The following ZNF75D variants were observed in gnomAD, a reference collection of about 807,000 sequenced individuals.
ZNF75D encodes zinc finger protein 75.
A neutral mutation model predicts 33.3 loss-of-function variants in ZNF75D; 33 were observed. That is an observed-to-expected ratio of 0.99 (90% CI 0.75 to 1.32). The LOEUF (loss-of-function observed/expected upper bound fraction) is 1.32. Ranked by LOEUF, ZNF75D falls within the 40% of genes most tolerant of loss-of-function variation. The probability of loss-of-function intolerance (pLI) is 0.00; values close to 1 mark genes in which losing one functional copy is unlikely to be tolerated. For synonymous variants in ZNF75D, 113 were observed against 130.6 expected, an observed-to-expected ratio of 0.87 and a Z score of 0.92; for missense variants, 338 against 367.5, an observed-to-expected ratio of 0.92 and a Z score of 0.66.
chrX:135,322,088 G>A lies in ZNF75D; in HGVS notation c.-391+19680C>T, dbSNP rs781866050. The stretch of plus-strand genomic sequence containing the variant: ...CAATTAATCTTTGCTGAATAAATGC[G>A]AGTCTCACCAGCTGGTCAGGACCTC... On this transcript the variant is annotated intron_variant, in intron 1 of 6. Coordinates refer to ENST00000370766, the MANE Select transcript of ZNF75D (RefSeq NM_007131.5). Among the ~76,000 whole-genome samples the A allele has an allele frequency of 8.0e-5, 9 of 111,929 alleles. No individual in the cohort carries two copies. The East Asian group carries it at 2.3e-3, about 28-fold the overall frequency.
chrX:135,299,250 G>A (rs1041561189), intron 1 of ZNF75D, among the ~76,000 whole-genome samples: 3 of 111,868 alleles, frequency 2.7e-5, no homozygotes, highest in Non-Finnish European at 5.7e-5. Flanking sequence ...ATTCCCCCCA[G>A]TACTGTGTGA....
chrX:135,294,237 T>C lies in ZNF75D; in HGVS notation c.-97A>G, dbSNP rs1303210039. Reference sequence around the variant, plus strand: ...GTGCATCAGGTTGGTACCAAATCAATGAATTGTTCTTCCCAAGAGCACTGA... The same window carrying C: ...GTGCATCAGGTTGGTACCAAATCAACGAATTGTTCTTCCCAAGAGCACTGA... On this transcript the variant is annotated 5_prime_UTR_variant, in exon 3 of 7. Transcript: ENST00000370766. 6 of 724,794 alleles carry C rather than the reference T, an allele frequency of 8.3e-6. No individual in the cohort carries two copies. The highest frequency in any genetic ancestry group is 4.3e-5 in the African/African-American group (2 of 46,446). The allele number at this position is 724,794 out of a possible 1,213,427, so 59.7% of individuals were successfully genotyped here. A position where few individuals can be genotyped will look rare whatever the true frequency, so the allele number is the denominator to read the frequency against.
At chrX:135,341,034 A>C (rs1218611913) in intron 1 of ZNF75D, among the ~76,000 whole-genome samples, 2 of 111,880 alleles carry the variant, frequency 1.8e-5, no homozygotes, top group Non-Finnish European at 3.8e-5. Flanking sequence ...GACATATGGC[A>C]TTGATTAGTT....
At chrX:135,300,571 C>T (rs1556424358) in intron 1 of ZNF75D, among the ~76,000 whole-genome samples, 2 of 110,543 alleles carry the variant, frequency 1.8e-5, no homozygotes, top group African/African-American at 6.6e-5. Context: ...CGTGGTGAAA[C>T]CCCATCTCTA....
intron 1 of ZNF75D, among the ~76,000 whole-genome samples, chrX:135,316,003 C>T (rs1450406315): frequency 8.9e-6 from 1 of 111,840 alleles, no homozygotes; most frequent in Non-Finnish European, 1.9e-5. Flanking sequence ...AATCTCTGTT[C>T]CTTTTTTTCC....
chrX:135,331,198 T>C (rs2084647025), intron 1 of ZNF75D, among the ~76,000 whole-genome samples: 1 of 111,349 alleles, frequency 9.0e-6, no homozygotes, highest in African/African-American at 3.3e-5. Flanking sequence ...CAAGGCATTT[T>C]AATATAGGGA....
chrX:135,325,846 C>T (rs1214751790), intron 1 of ZNF75D, among the ~76,000 whole-genome samples: 2 of 112,721 alleles, frequency 1.8e-5, no homozygotes, highest in African/African-American at 3.2e-5. Flanking sequence ...GCGAGCGCAT[C>T]GCGTGGGACT....
chrX:135,294,871 GATC>G (rs2084102158), intron 2 of ZNF75D, among the ~76,000 whole-genome samples: 2 of 111,884 alleles, frequency 1.8e-5, no homozygotes, highest in South Asian at 7.5e-4. Context: ...TAAGCAAGCA[GATC>G]ATCAACATTT....
chrX:135,315,132 CTTTAT>C (rs1250899546), intron 1 of ZNF75D, among the ~76,000 whole-genome samples: 1 of 111,888 alleles, frequency 8.9e-6, no homozygotes, highest in African/African-American at 3.2e-5. Context: ...TGTTGTTATG[CTTTAT>C]TTTATTTTCA....
intron 1 of ZNF75D, among the ~76,000 whole-genome samples, chrX:135,316,304 AT>A (rs1276543868): frequency 1.8e-5 from 2 of 110,945 alleles, no homozygotes; most frequent in African/African-American, 3.3e-5. Context: ...TGGCTAGCAG[AT>A]TTTTTTTCCT....
chrX:135,284,156 G>C (rs188548588), downstream of ZNF75D, among the ~76,000 whole-genome samples: 1 of 111,712 alleles, frequency 9.0e-6, no homozygotes, highest in Admixed American at 9.4e-5. Flanking sequence ...TCTTCACTCT[G>C]TCCCATGAAT....
At chrX:135,337,014 A>G (rs1195218209) in intron 1 of ZNF75D, among the ~76,000 whole-genome samples, 3 of 112,162 alleles carry the variant, frequency 2.7e-5, no homozygotes, top group Admixed American at 9.4e-5. Flanking sequence ...GGTGTGTGTT[A>G]TCTGTAGCCT....
chrX:135,302,195 G>A (rs990785829), intron 1 of ZNF75D, among the ~76,000 whole-genome samples: 18 of 112,225 alleles, frequency 1.6e-4, no homozygotes, highest in Middle Eastern at 4.6e-3. Flanking sequence ...GTTCACTTTG[G>A]GGCAGAGACT....
At chrX:135,274,844 G>T (rs1184495909) in intron 1 of ZNF75D, among the ~76,000 whole-genome samples, 3 of 111,978 alleles carry the variant, frequency 2.7e-5, no homozygotes, top group Non-Finnish European at 5.6e-5. Context: ...CTAAAATCAT[G>T]TATTGTTCTT....
Position 135,293,937 on chromosome X carries a change from G to C in ZNF75D, c.204C>G (p.Ser68Arg), listed in dbSNP as rs143538340. ...ACTGATGGCACAATTTCTGAAGTTGGCTGATAGTCTCAAGCGGTCCGGTTG... is the reference window on the plus strand; with the variant it reads ...ACTGATGGCACAATTTCTGAAGTTGCCTGATAGTCTCAAGCGGTCCGGTTG... ...HEATGPLETI[S>R]QLQKLCHQWL... Residue 68 changes from serine (S) to arginine (R), a missense_variant, in exon 3 of 7, where the codon AGC (serine) becomes AGG (arginine). Transcript: ENST00000370766. 7.3e-5 allele frequency: 88 copies of C among 1,209,587 alleles called. No individual in the cohort carries two copies. The highest frequency in any genetic ancestry group is 9.6e-5 in the Non-Finnish European group (86 of 894,715).
At chrX:135,312,639 C>T (rs2084373188) in intron 1 of ZNF75D, among the ~76,000 whole-genome samples, 1 of 108,851 alleles carries the variant, frequency 9.2e-6, no homozygotes, top group Non-Finnish European at 1.9e-5. Flanking sequence ...CTTTTCTCCA[C>T]ATCCTTGCCA....
rs139320124 is a variant in ZNF75D, at chrX:135,336,466, C to T, written c.-391+5302G>A. On this transcript the variant is annotated intron_variant, in intron 1 of 6. Coordinates refer to ENST00000370766, the MANE Select transcript of ZNF75D (RefSeq NM_007131.5). The stretch of plus-strand genomic sequence containing the variant: ...GAGGAGTCTGGCTCCTGGCCAAAAA[C>T]GTATGAGTGACTTTTTAGGCAGCCC... Among the ~76,000 whole-genome samples the T allele has an allele frequency of 5.6e-3, 633 of 112,793 alleles. 3 individuals carry two copies. Among genetic ancestry groups the T allele is most frequent in the African/African-American group, 0.019 (592 of 31,049 alleles).
chrX:135,271,740 T>C (rs1438056342), intron 1 of ZNF75D, among the ~76,000 whole-genome samples: 2 of 111,637 alleles, frequency 1.8e-5, no homozygotes, highest in Non-Finnish European at 3.8e-5. Context: ...AGAGATCAGA[T>C]TGGCAGCAGT....
chrX:135,295,564 T>C (rs1314086160), intron 2 of ZNF75D, among the ~76,000 whole-genome samples: 8 of 112,055 alleles, frequency 7.1e-5, no homozygotes, highest in Non-Finnish European at 1.3e-4. Flanking sequence ...CCAGGCGGCC[T>C]CGCTGTGGAC....
Sources: gnomAD v4.1 joint callset for allele counts (sites outside exome capture counted in the v4.1 genomes callset) on GRCh38, gnomAD v4.1.1 for gene constraint, MANE v1.5 for transcripts, NCBI Gene and HGNC (gene_info 2026-07-23, HGNC 2026-07-21) for gene names.